The following MAML2 variants were observed in gnomAD, a reference collection of about 807,000 sequenced individuals.
MAML2 encodes mastermind-like protein 2.
A neutral mutation model predicts 96.1 loss-of-function variants in MAML2; 22 were observed. That is an observed-to-expected ratio of 0.23 (90% CI 0.16 to 0.33). The LOEUF (loss-of-function observed/expected upper bound fraction) is 0.33. MAML2 is among the 10% of genes least tolerant of loss of function. MAML2 has a pLI of 1.00. For synonymous variants in MAML2, 561 were observed against 521.3 expected, an observed-to-expected ratio of 1.08 and a Z score of -1.04; for missense variants, 1,367 against 1,392.4, an observed-to-expected ratio of 0.98 and a Z score of 0.29.
At chr11:96,282,256 AAAT>A (rs914258547) in intron 1 of MAML2, among the ~76,000 whole-genome samples, 13 of 147,900 alleles carry the variant, frequency 8.8e-5, no homozygotes, top group African/African-American at 1.5e-4. Flanking sequence ...CTCAAAAAAA[AAAT>A]AATAATAATA....
In MAML2 at chr11:96,092,192, TTGCTGC is replaced by T. The variant is rs774591086; in HGVS notation, c.1833_1838del (p.Gln620_Gln621del). 1 of 1,536,436 alleles carries T rather than the reference TTGCTGC, an allele frequency of 6.5e-7. No individual in the cohort carries two copies. Among genetic ancestry groups the T allele is most frequent in the African/African-American group, 1.4e-5 (1 of 70,434 alleles). ...TCTGCTGTTGCTGTTGCTGTTGCTG[TTGCTGC>T]TGCTGCTGCTGTTGCTGCTGCTGCT... On this transcript the variant is annotated inframe_deletion, in exon 2 of 5. Transcript: ENST00000524717. The surrounding 1 kb of genome is among the most constrained non-coding windows in gnomAD (Gnocchi z 4.1).
chr11:96,280,098 T>G (rs899682551), intron 1 of MAML2, among the ~76,000 whole-genome samples: 2 of 152,198 alleles, frequency 1.3e-5, no homozygotes, highest in African/African-American at 4.8e-5. Flanking sequence ...TCACACACAA[T>G]CATTCTTTTA....
chr11:96,142,867 A>T (rs1040809231), intron 1 of MAML2, among the ~76,000 whole-genome samples: 1 of 152,156 alleles, frequency 6.6e-6, no homozygotes, highest in East Asian at 1.9e-4. Flanking sequence ...TTTTTGTTTA[A>T]TCTTAATAAT....
chr11:96,116,914 G>A (rs144970566), intron 1 of MAML2, among the ~76,000 whole-genome samples: 39 of 152,266 alleles, frequency 2.6e-4, no homozygotes, highest in Non-Finnish European at 5.0e-4. Flanking sequence ...GCTAAGTAGC[G>A]TTTTATAAAG....
chr11:96,007,905 C>T (rs150897513), intron 2 of MAML2, among the ~76,000 whole-genome samples: 8,786 of 139,456 alleles, frequency 0.063, 898 homozygotes, highest in African/African-American at 0.21. Flanking sequence ...AGGGGTAGCA[C>T]TGGGAGATAT....
chr11:96,214,865 C>T (rs746558267), intron 1 of MAML2, among the ~76,000 whole-genome samples: 2 of 152,214 alleles, frequency 1.3e-5, no homozygotes, highest in Non-Finnish European at 2.9e-5. Flanking sequence ...AATGCACATG[C>T]TCTGACCTTT....
intron 1 of MAML2, among the ~76,000 whole-genome samples, chr11:96,116,749 T>C (rs1860249872): frequency 6.6e-6 from 1 of 152,188 alleles, no homozygotes; most frequent in Non-Finnish European, 1.5e-5. Context: ...GATTCATATG[T>C]ATGGCGAAGA....
At chr11:96,212,150 T>TGGGG (rs372748139) in intron 1 of MAML2, among the ~76,000 whole-genome samples, 13 of 127,612 alleles carry the variant, frequency 1.0e-4, no homozygotes, top group Non-Finnish European at 1.6e-4. Flanking sequence ...TGTGTGTGTG[T>TGGGG]GGAAGGGGGA....
At chr11:96,121,979 TTTTG>T (rs1860355141) in intron 1 of MAML2, among the ~76,000 whole-genome samples, 2 of 97,862 alleles carry the variant, frequency 2.0e-5, no homozygotes, top group African/African-American at 7.5e-5. Context: ...TTTTTTTTTT[TTTTG>T]TATTTTTTAG....
At chr11:96,073,180 T>C (rs542755992) in intron 2 of MAML2, among the ~76,000 whole-genome samples, 1 of 152,350 alleles carries the variant, frequency 6.6e-6, no homozygotes, top group East Asian at 1.9e-4. Context: ...GTAAATCTTT[T>C]ACTTGTGAGT....
intron 1 of MAML2, among the ~76,000 whole-genome samples, chr11:96,172,908 C>T (rs1861320407): frequency 6.6e-6 from 1 of 152,182 alleles, no homozygotes. Flanking sequence ...TCCAGCCTCT[C>T]GATATGTAGA....
At chr11:96,270,834 G>A (rs1204368371) in intron 1 of MAML2, among the ~76,000 whole-genome samples, 1 of 152,154 alleles carries the variant, frequency 6.6e-6, no homozygotes, top group Non-Finnish European at 1.5e-5. Context: ...GTCTGTGAGG[G>A]TGTTGCCAAA....
At chr11:96,121,460 A>G (rs4753730) in intron 1 of MAML2, among the ~76,000 whole-genome samples, 140,703 of 152,190 alleles carry the variant, frequency 0.92, 65,084 homozygotes, top group East Asian at 0.97. Flanking sequence ...ATGGCAAAAA[A>G]CATTTAACAG....
intron 1 of MAML2, among the ~76,000 whole-genome samples, chr11:96,141,017 T>C (rs1328057077): frequency 1.3e-5 from 2 of 152,214 alleles, no homozygotes; most frequent in African/African-American, 4.8e-5. Context: ...AGTCATTTCT[T>C]AGCATAAGTA....
At chr11:96,240,123 A>C (rs1469650843) in intron 1 of MAML2, among the ~76,000 whole-genome samples, 3 of 152,230 alleles carry the variant, frequency 2.0e-5, no homozygotes, top group African/African-American at 7.2e-5. Context: ...ACAAAAGCTA[A>C]GGGTCTGTGT....
intron 1 of MAML2, among the ~76,000 whole-genome samples, chr11:96,170,629 A>G (rs1259566990): frequency 1.3e-5 from 2 of 152,354 alleles, no homozygotes; most frequent in Middle Eastern, 3.4e-3. Flanking sequence ...TCAGGCAGCA[A>G]AGGACAGAAG....
At chr11:96,168,278 T>G (rs1422653018) in intron 1 of MAML2, among the ~76,000 whole-genome samples, 1 of 152,268 alleles carries the variant, frequency 6.6e-6, no homozygotes, top group Non-Finnish European at 1.5e-5. Flanking sequence ...TCTACCTTTA[T>G]TAATTCCATT....
intron 1 of MAML2, among the ~76,000 whole-genome samples, chr11:96,216,623 A>G (rs1386445119): frequency 6.6e-6 from 1 of 152,218 alleles, no homozygotes; most frequent in African/African-American, 2.4e-5. Flanking sequence ...TAAAATGCTT[A>G]TGGATCATTT....
intron 1 of MAML2, among the ~76,000 whole-genome samples, chr11:96,189,865 A>G (rs1861627800): frequency 2.6e-5 from 4 of 152,198 alleles, no homozygotes; most frequent in African/African-American, 9.6e-5. Context: ...GGCTTAATTT[A>G]TTATTCTAAA....
Sources: allele counts gnomAD v4.1 joint callset (sites outside exome capture counted in the v4.1 genomes callset), GRCh38; gene constraint gnomAD v4.1.1; non-coding constraint Gnocchi (gnomAD v3.1); transcripts MANE v1.5; gene names NCBI Gene and HGNC (gene_info 2026-07-23, HGNC 2026-07-21).